LIPK: variants seen among roughly 807,000 people sequenced by gnomAD.
The protein encoded by LIPK is lipase family member K.
Under a neutral mutation model 48.6 loss-of-function variants are expected in LIPK, and 32 were observed. The ratio of observed to expected loss-of-function variants is 0.66; its 90% confidence interval spans 0.50 to 0.88. The LOEUF (loss-of-function observed/expected upper bound fraction) is 0.88. Among genes scored for constraint, LIPK ranks in the 40% least tolerant of loss-of-function variants. The pLI is 0.00. For synonymous variants in LIPK, 164 were observed against 157.4 expected (o/e 1.04, Z -0.32); for missense variants, 507 against 478.5 (o/e 1.06, Z -0.56).
chr10:88,743,577 C>T (rs1590159322), intron 9 of LIPK, among the ~76,000 whole-genome samples: 2 of 151,724 alleles, frequency 1.3e-5, no homozygotes, highest in African/African-American at 4.8e-5. Flanking sequence ...CAGAGTTATT[C>T]GCTAGTAAAC....
At chr10:88,740,808 A>ACC (rs11300051) in intron 8 of LIPK, among the ~76,000 whole-genome samples, 199 of 148,760 alleles carry the variant, frequency 1.3e-3, no homozygotes, top group African/African-American at 4.0e-3. Context: ...TATATCTGAG[A>ACC]CCCCCCCCCA....
At chr10:88,721,758 A>G (rs1842229453) in intron 1 of LIPK, among the ~76,000 whole-genome samples, 1 of 152,184 alleles carries the variant, frequency 6.6e-6, no homozygotes, top group Non-Finnish European at 1.5e-5. Flanking sequence ...GGTGATTTTG[A>G]TTCAGAGGCC....
intron 8 of LIPK, among the ~76,000 whole-genome samples, chr10:88,741,765 A>G (rs1001791895): frequency 6.6e-6 from 1 of 152,174 alleles, no homozygotes; most frequent in African/African-American, 2.4e-5. Context: ...TGTTAACATA[A>G]TCTTCACAAT....
At chr10:88,711,317 G>A (rs547139569) in intron 1 of LIPK, among the ~76,000 whole-genome samples, 36 of 152,014 alleles carry the variant, frequency 2.4e-4, no homozygotes, top group Non-Finnish European at 5.1e-4. Context: ...TAGTGAAATG[G>A]TTACTATAGT....
intron 1 of LIPK, among the ~76,000 whole-genome samples, chr10:88,711,843 C>T (rs303506): frequency 0.78 from 119,287 of 152,048 alleles, 47,755 homozygotes; most frequent in East Asian, 1. Context: ...CTTTTTTTTG[C>T]TTATGGTTAG....
At chr10:88,706,717 C>G (rs1003175589) in intron 1 of LIPK, among the ~76,000 whole-genome samples, 1 of 151,964 alleles carries the variant, frequency 6.6e-6, no homozygotes, top group Non-Finnish European at 1.5e-5. Context: ...TTTAGGAAGC[C>G]CTTTATGTTC....
chr10:88,743,321 G>A lies in LIPK; in HGVS notation c.960G>A (p.Gln320=). The A allele has an allele frequency of 3.8e-6, 6 of 1,581,004 alleles. No homozygotes were observed. The highest frequency in any genetic ancestry group is 5.2e-6 in the Non-Finnish European group (6 of 1,160,188). ...ATCAGAACATGATGCACTTCCATCA[G>A]GTACAAAAATAATCCTCATAATCAG... ...NSDQNMMHFH[Q]LTPPLYNITK... The change falls in exon 9 of 10, where the codon CAG becomes CAA. Residue 320 remains glutamine, a splice_region_variant and synonymous_variant. Transcript: ENST00000404190.
At chr10:88,714,102 G>T (rs1232420656) in intron 1 of LIPK, among the ~76,000 whole-genome samples, 2 of 152,016 alleles carry the variant, frequency 1.3e-5, no homozygotes, top group East Asian at 3.8e-4. Context: ...AGAAAGACAT[G>T]CTTTCTCTTG....
At chr10:88,728,027 G>T (rs1026134709) in intron 3 of LIPK, 1 of 366,438 alleles carries the variant, frequency 2.7e-6, no homozygotes, top group Admixed American at 2.7e-5. Flanking sequence ...AACATGCAGG[G>T]GCTGGTGGAG....
intron 2 of LIPK, among the ~76,000 whole-genome samples, chr10:88,725,103 A>C (rs971554460): frequency 1.3e-5 from 2 of 152,236 alleles, no homozygotes; most frequent in Non-Finnish European, 2.9e-5. Flanking sequence ...TAGGCAAAGA[A>C]AAAAAGGCCA....
chr10:88,731,397 G>A (rs1331425183), intron 4 of LIPK, among the ~76,000 whole-genome samples: 1 of 152,202 alleles, frequency 6.6e-6, no homozygotes, highest in African/African-American at 2.4e-5. Context: ...CTCCGTCCTG[G>A]TGTCTGCGTG....
intron 9 of LIPK, among the ~76,000 whole-genome samples, chr10:88,749,839 A>G (rs973416297): frequency 2.6e-5 from 4 of 152,196 alleles, no homozygotes; most frequent in African/African-American, 7.2e-5. Context: ...TTTGAATAGC[A>G]AAAGAAACTA....
At chr10:88,716,233 A>G (rs747501684) in intron 1 of LIPK, among the ~76,000 whole-genome samples, 1 of 152,128 alleles carries the variant, frequency 6.6e-6, no homozygotes, top group Non-Finnish European at 1.5e-5. Flanking sequence ...AAAAAGAATG[A>G]CAGAGAAAAG....
chr10:88,731,522 G>A (rs562674981), intron 4 of LIPK, among the ~76,000 whole-genome samples: 2 of 152,344 alleles, frequency 1.3e-5, no homozygotes, highest in African/African-American at 2.4e-5. Context: ...TACTTCAGAA[G>A]CCACGCCTAC....
chr10:88,739,517 G>C (rs1842638910), intron 7 of LIPK, among the ~76,000 whole-genome samples: 1 of 152,114 alleles, frequency 6.6e-6, no homozygotes, highest in African/African-American at 2.4e-5. Context: ...GGCTTTTTTG[G>C]TTAATATGTC....
chr10:88,748,954 C>A (rs1842818163), intron 9 of LIPK, among the ~76,000 whole-genome samples: 1 of 152,096 alleles, frequency 6.6e-6, no homozygotes, highest in South Asian at 2.1e-4. Flanking sequence ...TTTTAGGATA[C>A]AAAATCAATG....
chr10:88,706,375 T>C (rs752238860), intron 1 of LIPK, among the ~76,000 whole-genome samples, 55 bp downstream of exon 1: 4 of 152,148 alleles, frequency 2.6e-5, no homozygotes, highest in East Asian at 1.9e-4. Context: ...TAGTGAGACA[T>C]AGGAAACCTT....
At chr10:88,711,244 TTTTTA>T (rs1382922240) in intron 1 of LIPK, among the ~76,000 whole-genome samples, 3 of 152,196 alleles carry the variant, frequency 2.0e-5, no homozygotes, top group African/African-American at 2.4e-5. Flanking sequence ...GTGAATTGTC[TTTTTA>T]TTTTATTATT....
intron 1 of LIPK, among the ~76,000 whole-genome samples, chr10:88,711,340 C>T (rs116971312): frequency 0.013 from 1,997 of 152,192 alleles, 28 homozygotes; most frequent in East Asian, 0.054. Context: ...AACAAATTAA[C>T]GTATCAATAA....
Sources: gnomAD v4.1 joint callset for allele counts (sites outside exome capture counted in the v4.1 genomes callset) on GRCh38, gnomAD v4.1.1 for gene constraint, MANE v1.5 for transcripts, NCBI Gene and HGNC (gene_info 2026-07-23, HGNC 2026-07-21) for gene names.